Variants in ZFHX3 observed in about 807,000 individuals in gnomAD.
ZFHX3 encodes zinc finger homeobox protein 3.
ZFHX3 carries 42 observed loss-of-function variants against 279.1 expected under a neutral mutation model. That is an observed-to-expected ratio of 0.15 (90% CI 0.12 to 0.19). The LOEUF (loss-of-function observed/expected upper bound fraction) is 0.19, where lower values mean the gene tolerates loss of function less well. Ranked by LOEUF, ZFHX3 falls within the 10% of genes least tolerant of loss-of-function variation. ZFHX3 has a pLI of 1.00. For synonymous variants in ZFHX3, 2,293 were observed against 1,957.8 expected (o/e 1.17, Z -4.52); for missense variants, 4,981 against 4,754.0 (o/e 1.05, Z -1.40).
At chr16:72,802,988 GA>G (rs1361412098) in intron 7 of ZFHX3, among the ~76,000 whole-genome samples, 3 of 152,128 alleles carry the variant, frequency 2.0e-5, no homozygotes, top group Non-Finnish European at 4.4e-5. Context: ...ATGGAATTCA[GA>G]CTGTCCCAGC....
intron 5 of ZFHX3, chr16:73,232,513 A>G (rs1025360967): frequency 2.0e-5 from 3 of 152,268 alleles, no homozygotes; most frequent in South Asian, 4.1e-4. Context: ...GTGGAAGAGA[A>G]AGAGGGAGCA....
chr16:73,815,323 G>A lies in ZFHX3; in HGVS notation c.-1608+76328C>T, dbSNP rs917189950. Among the ~76,000 whole-genome samples, 10 of 152,188 alleles carry A rather than the reference G, an allele frequency of 6.6e-5. No homozygotes were observed. In the East Asian group the frequency reaches 1.5e-3, roughly 24 times the overall value. On this transcript the variant is annotated intron_variant, in intron 1 of 17. Transcript: ENST00000641206. ...ACCTGAATGTTTTTCACCAAGGTTC[G>A]TGACTCCTGTAGCCACATCTATACT...
chr16:72,960,868 C>T (rs1412243036), intron 1 of ZFHX3, among the ~76,000 whole-genome samples: 2 of 152,074 alleles, frequency 1.3e-5, no homozygotes, highest in Admixed American at 1.3e-4. Context: ...ATCTGGGAGG[C>T]GTCAGTCCCA....
intron 2 of ZFHX3, among the ~76,000 whole-genome samples, chr16:73,493,320 T>C (rs2019084875): frequency 6.6e-6 from 1 of 152,190 alleles, no homozygotes; most frequent in Admixed American, 6.5e-5. Flanking sequence ...GACAGATTTT[T>C]CTCATTATTC....
intron 1 of ZFHX3, among the ~76,000 whole-genome samples, chr16:73,881,153 T>A (rs775115986): frequency 1.1e-4 from 17 of 152,126 alleles, no homozygotes; most frequent in Non-Finnish European, 2.4e-4. Context: ...TCAGAATAAG[T>A]CTATAGATGA....
chr16:73,110,086 A>G (rs889761717), intron 7 of ZFHX3, among the ~76,000 whole-genome samples: 1 of 151,302 alleles, frequency 6.6e-6, no homozygotes. Flanking sequence ...TAAAAATACA[A>G]AAAGCTACTC....
chr16:73,698,392 C>T (rs1038053489), intron 1 of ZFHX3, among the ~76,000 whole-genome samples: 4 of 152,090 alleles, frequency 2.6e-5, no homozygotes, highest in African/African-American at 9.7e-5. Flanking sequence ...GTAAGGCCCA[C>T]TTATGGATGC....
intron 4 of ZFHX3, among the ~76,000 whole-genome samples, chr16:73,312,571 CA>C (rs1225830627): frequency 6.6e-6 from 1 of 152,146 alleles, no homozygotes; most frequent in Non-Finnish European, 1.5e-5. Flanking sequence ...GCCTATTGCT[CA>C]ATGCATGAGC....
intron 1 of ZFHX3, among the ~76,000 whole-genome samples, chr16:73,852,342 T>A (rs1454914470): frequency 6.6e-6 from 1 of 152,218 alleles, no homozygotes; most frequent in Non-Finnish European, 1.5e-5. Context: ...GTCTGACTTC[T>A]TATATTTTCC....
At chr16:72,898,614 A>G (rs989343499) in intron 3 of ZFHX3, among the ~76,000 whole-genome samples, 1 of 152,118 alleles carries the variant, frequency 6.6e-6, no homozygotes, top group South Asian at 2.1e-4. Flanking sequence ...CGACGCCTCC[A>G]TGTAAACAGA....
rs186937474 is a variant in ZFHX3 at position 73,325,200 on chromosome 16, G to A, written c.-1290-6864C>T. On this transcript the variant is annotated intron_variant, in intron 3 of 17. Coordinates refer to the ZFHX3 transcript ENST00000641206. Reference sequence around the variant, plus strand: ...CAGGATGGTGCCATGAGGATGGGGAGAGGTGGATGGTTAATGTGAGGTCAG... The same window carrying A: ...CAGGATGGTGCCATGAGGATGGGGAAAGGTGGATGGTTAATGTGAGGTCAG... Among the ~76,000 whole-genome samples the A allele has an allele frequency of 6.6e-5, 10 of 152,238 alleles. No homozygotes were observed. In the East Asian group the frequency reaches 1.9e-3, roughly 29 times the overall value.
intron 2 of ZFHX3, among the ~76,000 whole-genome samples, chr16:73,598,250 C>T (rs1457861000): frequency 6.6e-6 from 1 of 152,044 alleles, no homozygotes. Context: ...CTTTTATTTT[C>T]TCTGTTGTTT....
intron 2 of ZFHX3, among the ~76,000 whole-genome samples, chr16:73,473,338 G>GAAAAAAAA (rs2018702392): frequency 1.4e-4 from 1 of 6,918 alleles, no homozygotes; most frequent in African/African-American, 6.3e-4. Flanking sequence ...CTGTCTCAAA[G>GAAAAAAAA]CAAAAAAAAA....
At chr16:73,593,665 T>C (rs553353037) in intron 2 of ZFHX3, among the ~76,000 whole-genome samples, 2 of 152,010 alleles carry the variant, frequency 1.3e-5, no homozygotes, top group Admixed American at 6.6e-5. Flanking sequence ...GCAAATCCTA[T>C]GACATATATA....
At chr16:72,812,550 T>G (rs1207425952) in intron 5 of ZFHX3, among the ~76,000 whole-genome samples, 1 of 152,186 alleles carries the variant, frequency 6.6e-6, no homozygotes, top group African/African-American at 2.4e-5. Context: ...TGAGAAAGGT[T>G]CACATGAGTA....
At chr16:73,327,169 T>C (rs2015707159) in intron 3 of ZFHX3, among the ~76,000 whole-genome samples, 1 of 152,236 alleles carries the variant, frequency 6.6e-6, no homozygotes, top group Non-Finnish European at 1.5e-5. Flanking sequence ...CTGAGAAGCC[T>C]TTTGGCTTAC....
intron 1 of ZFHX3, among the ~76,000 whole-genome samples, chr16:73,751,150 C>T (rs891655202): frequency 1.6e-4 from 24 of 152,164 alleles, no homozygotes; most frequent in African/African-American, 3.4e-4. Context: ...TCAAAAGATA[C>T]GGACTGAGGA....
intron 1 of ZFHX3, among the ~76,000 whole-genome samples, chr16:73,728,935 A>G (rs939792913): frequency 2.0e-5 from 3 of 152,058 alleles, no homozygotes; most frequent in African/African-American, 7.2e-5. Context: ...TGTGGCACCC[A>G]GAAGTAACCA....
At chr16:73,734,363 G>C (rs566331271) in intron 1 of ZFHX3, among the ~76,000 whole-genome samples, 54 of 152,264 alleles carry the variant, frequency 3.5e-4, no homozygotes, top group Non-Finnish European at 1.2e-4. Context: ...AACTGAAATT[G>C]AGAAAGCCTA....
Sources: allele counts gnomAD v4.1 joint callset (sites outside exome capture counted in the v4.1 genomes callset), GRCh38; gene constraint gnomAD v4.1.1; transcripts MANE v1.5; gene names NCBI Gene and HGNC (gene_info 2026-07-23, HGNC 2026-07-21).